The following AADAT variants were observed in gnomAD, a reference collection of about 807,000 sequenced individuals.
The protein encoded by AADAT is aminoadipate aminotransferase.
A neutral mutation model predicts 56.2 loss-of-function variants in AADAT; 25 were observed. The observed-to-expected ratio is 0.44, with a 90% CI of 0.32 to 0.62. AADAT has a LOEUF of 0.62. Among genes scored for constraint, AADAT ranks in the 20% least tolerant of loss-of-function variants. The pLI is 0.04. For missense variants in AADAT, 387 were observed against 510.5 expected, an observed-to-expected ratio of 0.76 and a Z score of 2.33; for synonymous variants, 173 against 164.7, an observed-to-expected ratio of 1.05 and a Z score of -0.39.
intron 10 of AADAT, among the ~76,000 whole-genome samples, chr4:170,066,019 GA>G (rs1177135136): frequency 6.6e-6 from 1 of 152,130 alleles, no homozygotes. Flanking sequence ...TTAATGATTA[GA>G]AGGCAAATAA....
chr4:170,075,220 G>A (rs772517954), intron 4 of AADAT, among the ~76,000 whole-genome samples: 29 of 152,214 alleles, frequency 1.9e-4, no homozygotes, highest in Non-Finnish European at 4.0e-4. Flanking sequence ...TAGACATTAT[G>A]TAATCTTAAA....
At chr4:170,089,525 C>T in intron 1 of AADAT, 99 bp downstream of exon 1, 1 of 1,332,844 alleles carries the variant, frequency 7.5e-7, no homozygotes, top group Non-Finnish European at 1.1e-6. Context: ...CAGGGGTACG[C>T]ATGGATGCAA....
intron 4 of AADAT, among the ~76,000 whole-genome samples, chr4:170,076,901 G>A (rs1047980413): frequency 2.0e-5 from 3 of 152,118 alleles, no homozygotes; most frequent in Non-Finnish European, 4.4e-5. Context: ...TGTGAAGTAA[G>A]GGTCCAAGTT....
intron 2 of AADAT, 56 bp from the exon 3 acceptor site, chr4:170,087,304 G>A: frequency 1.3e-6 from 2 of 1,509,150 alleles, no homozygotes; most frequent in Non-Finnish European, 1.8e-6. Flanking sequence ...AGTAACAGTA[G>A]TAGACAGGAA....
chr4:170,073,065 T>TGC lies in AADAT; in HGVS notation c.654+69_654+70dup, dbSNP rs1731850986. ...CAAAAGGCTAAGAAGAAAGGGAGCT[T>TGC]GCATAGTGCTCTTCTAAAAAGTCAC... On this transcript the variant is annotated intron_variant, in intron 5 of 12. Transcript: ENST00000337664. 13 of 1,416,610 alleles carry TGC rather than the reference T, an allele frequency of 9.2e-6. No individual in the cohort carries two copies. In the South Asian group the frequency reaches 1.6e-4, roughly 17 times the overall value. The allele number at this position is 1,416,610 out of a possible 1,614,324, so 87.8% of individuals were successfully genotyped here.
chr4:170,073,308 C>T lies in AADAT; in HGVS notation c.482G>A (p.Ser161Asn), dbSNP rs754560049. 4 of 1,614,032 alleles carry T rather than the reference C, an allele frequency of 2.5e-6. No homozygotes were observed. The South Asian group carries it at 4.4e-5, about 18-fold the overall frequency. Residue 161 changes from serine to asparagine, a missense_variant, in exon 5 of 13, where the codon AGT becomes AAT. Transcript: ENST00000337664. ...ATCTGGAACAATCCCACTTTCATCA[C>T]TGGCAACATTAATAATGTTGCAGCC... is the stretch of plus-strand genomic sequence containing the variant. ...PLGCNIINVA[S>N]DESGIVPDSL...
chr4:170,072,054 T>C (rs1041475025), intron 5 of AADAT, among the ~76,000 whole-genome samples: 1 of 152,042 alleles, frequency 6.6e-6, no homozygotes, highest in Non-Finnish European at 1.5e-5. Flanking sequence ...TACAGAAGCA[T>C]AGGCCTCAGG....
chr4:170,073,443 T>C, intron 4 of AADAT, 98 bp from the exon 5 acceptor site: 9 of 1,054,772 alleles, frequency 8.5e-6, no homozygotes, highest in Non-Finnish European at 8.1e-6. Context: ...TGCTCATTCA[T>C]ACCCTTAAAA....
intron 4 of AADAT, among the ~76,000 whole-genome samples, chr4:170,075,707 C>T (rs982354429): frequency 1.3e-5 from 2 of 152,168 alleles, no homozygotes; most frequent in Non-Finnish European, 2.9e-5. Context: ...TTTTCCTCAC[C>T]CCAAATAGAG....
intron 7 of AADAT, 149 bp downstream of exon 7, chr4:170,068,999 C>T (rs971858036): frequency 6.3e-6 from 4 of 636,910 alleles, no homozygotes; most frequent in Non-Finnish European, 7.8e-6. Flanking sequence ...AAAAAAAGGC[C>T]TGTGTTAATA....
intron 9 of AADAT, 104 bp from the exon 10 acceptor site, chr4:170,066,582 A>G (rs2111150842): frequency 2.4e-6 from 2 of 818,398 alleles, no homozygotes; most frequent in Non-Finnish European, 2.1e-6. Context: ...TATCTTGATT[A>G]AAATGTTGAA....
chr4:170,089,891 TC>T lies in AADAT; in HGVS notation c.-202del. On this transcript the variant is annotated 5_prime_UTR_variant, in exon 1 of 13. Transcript: ENST00000337664. Reference sequence around the variant, plus strand: ...CCCCGGCTGGACGCTGCGTTCGGTCTCCCGGTCCTAAACGGGTCTGGGGCTG... The same window carrying T: ...CCCCGGCTGGACGCTGCGTTCGGTCTCCGGTCCTAAACGGGTCTGGGGCTG... 1.7e-6 allele frequency: 1 copy of T among 598,222 alleles called. No individual in the cohort carries two copies. Among genetic ancestry groups the T allele is most frequent in the Non-Finnish European group, 3.0e-6 (1 of 335,788 alleles). The allele number at this position is 598,222 out of a possible 1,614,324, so 37.1% of individuals were successfully genotyped here.
At chr4:170,070,690 AT>A in intron 5 of AADAT, 38 bp from the exon 6 acceptor site, 1 of 1,360,808 alleles carries the variant, frequency 7.3e-7, no homozygotes, top group African/African-American at 1.5e-5. Context: ...TTCTTAATCT[AT>A]TTATTTCTTA....
At chr4:170,092,738 A>C (rs147854502), upstream of AADAT, among the ~76,000 whole-genome samples, 1,670 of 152,374 alleles carry the variant, frequency 0.011, 11 homozygotes, top group Non-Finnish European at 0.017. Flanking sequence ...GCATGTTGAC[A>C]GGAATAAATG....
In AADAT at chr4:170,073,295, C is replaced by T. The variant is rs2111172810; in HGVS notation, c.495G>A (p.Gly165=). 1.2e-6 allele frequency: 2 copies of T among 1,614,040 alleles called. No individual in the cohort carries two copies. The highest frequency in any genetic ancestry group is 1.7e-6 in the Non-Finnish European group (2 of 1,180,006). ...NIINVASDES[G]IVPDSLRDIL... is the part of the protein sequence containing the mutation. ...TGTCTCTTAGGGAATCTGGAACAAT[C>T]CCACTTTCATCACTGGCAACATTAA... The change falls in exon 5 of 13, where the codon GGG becomes GGA. Residue 165 remains glycine (G), a synonymous_variant. Coordinates refer to ENST00000337664, the MANE Select transcript of AADAT (RefSeq NM_016228.4).
chr4:170,088,522 G>C lies in AADAT; in HGVS notation c.110C>G (p.Ala37Gly). ...CATGTTTGGATTTGGTAAGCCACCA[G>C]CCAAGGAGATCATCGATTTTGGTCC... ...SRGPKSMISL[A>G]GGLPNPNMFP... Residue 37 changes from alanine to glycine, a missense_variant, in exon 2 of 13, where the codon GCT (alanine) becomes GGT (glycine). By Grantham distance (60) the Ala-to-Gly change is moderately conservative (BLOSUM62 0). Coordinates refer to ENST00000337664, the MANE Select transcript of AADAT (RefSeq NM_016228.4). The C allele has an allele frequency of 6.2e-7, 1 of 1,613,464 alleles. No homozygotes were observed. The highest frequency in any genetic ancestry group is 8.5e-7 in the Non-Finnish European group (1 of 1,179,424).
Position 170,068,604 on chromosome 4 carries a change from C to T in AADAT, c.887G>A (p.Ser296Asn). 1 of 1,600,594 alleles carries T rather than the reference C, an allele frequency of 6.2e-7. No homozygotes were observed. The highest frequency in any genetic ancestry group is 8.5e-7 in the Non-Finnish European group (1 of 1,176,648). ...AATTGTCCTTACCTGGTTAAAAGTG[C>T]TGGGGTGCAATGTTGAAACTTGTAT... ...LHIQVSTLHP[S>N]TFNQLMISQL... The change falls in exon 8 of 13, where the codon AGC (serine) becomes AAC (asparagine). Residue 296 changes from serine (S) to asparagine (N), a missense_variant. Physicochemically the swap from Ser to Asn is conservative, Grantham distance 46. Transcript: ENST00000337664.
At chr4:170,093,986 G>A (rs1732938976), upstream of AADAT, among the ~76,000 whole-genome samples, 1 of 152,162 alleles carries the variant, frequency 6.6e-6, no homozygotes, top group South Asian at 2.1e-4. Context: ...AAGCCAAACT[G>A]AAGAGCTGTG....
Position 170,070,623 on chromosome 4 carries a change from T to A in AADAT, c.684A>T (p.Ile228=). 1.3e-6 allele frequency: 2 copies of A among 1,580,788 alleles called. No homozygotes were observed. The highest frequency in any genetic ancestry group is 8.7e-7 in the Non-Finnish European group (1 of 1,154,970). Residue 228 remains isoleucine (I), a synonymous_variant, in exon 6 of 13, where the codon ATA becomes ATT. Transcript: ENST00000337664. The part of the protein sequence containing the change: ...ELARKYDFLI[I]EDDPYYFLQF... ...GGAGAAAATAGTAAGGATCATCTTC[T>A]ATTATGAGGAAATCATATTTTCTTG...
Sources: allele counts gnomAD v4.1 joint callset (sites outside exome capture counted in the v4.1 genomes callset), GRCh38; gene constraint gnomAD v4.1.1; transcripts MANE v1.5; gene names NCBI Gene and HGNC (gene_info 2026-07-23, HGNC 2026-07-21).